The following PPP1R12B variants were observed in gnomAD, a reference collection of about 807,000 sequenced individuals.
PPP1R12B encodes the protein protein phosphatase 1 regulatory subunit 12B, also known as myosin phosphatase target subunit 2.
Under a neutral mutation model 126.1 loss-of-function variants are expected in PPP1R12B, and 76 were observed. The ratio of observed to expected loss-of-function variants is 0.60; its 90% CI spans 0.50 to 0.73. The LOEUF is 0.73. Among genes scored for constraint, PPP1R12B ranks in the 30% least tolerant of loss-of-function variants. PPP1R12B has a pLI of 0.00. For synonymous variants in PPP1R12B, 356 were observed against 434.7 expected, an observed-to-expected ratio of 0.82 and a Z score of 2.25; for missense variants, 1,052 against 1,205.1, an observed-to-expected ratio of 0.87 and a Z score of 1.88.
At position 202,591,001 on chromosome 1, in the gene PPP1R12B, TCACCAGA is replaced by T. The variant is rs549397908; in HGVS notation, c.*10444_*10450del. ...CCCCATGCACACTGCTCCCATCACC[TCACCAGA>T]CAGATGCTCTCTCAACTCTTGCCTC... On this transcript the variant is annotated 3_prime_UTR_variant, in exon 24 of 24. Transcript: ENST00000608999. 2 of 152,354 alleles carry T rather than the reference TCACCAGA, an allele frequency of 1.3e-5. No homozygotes were observed. Among genetic ancestry groups the T allele is most frequent in the South Asian group, 4.1e-4 (2 of 4,824 alleles). The allele number at this position is 152,354 out of a possible 1,614,324, so 9.4% of individuals were successfully genotyped here. A position where few individuals can be genotyped will look rare whatever the true frequency, so the allele number is the denominator to read the frequency against.
chr1:202,350,430 T>C (rs915270154), intron 1 of PPP1R12B, among the ~76,000 whole-genome samples: 1 of 152,194 alleles, frequency 6.6e-6, no homozygotes, highest in Admixed American at 6.5e-5. Flanking sequence ...AGGAAAATTA[T>C]TTGTGCAAAG....
chr1:202,542,731 AC>A (rs1240683391), intron 18 of PPP1R12B, among the ~76,000 whole-genome samples: 2 of 152,106 alleles, frequency 1.3e-5, no homozygotes, highest in Non-Finnish European at 2.9e-5. Context: ...AGAACCTGAG[AC>A]CTTATGGGCT....
chr1:202,512,186 T>C (rs185495090), intron 18 of PPP1R12B, among the ~76,000 whole-genome samples: 8 of 152,318 alleles, frequency 5.3e-5, no homozygotes, highest in Non-Finnish European at 1.2e-4. Flanking sequence ...CCATGATACA[T>C]ATACAGACAG....
intron 23 of PPP1R12B, among the ~76,000 whole-genome samples, chr1:202,571,694 G>A (rs1688625039): frequency 6.6e-6 from 1 of 152,186 alleles, no homozygotes; most frequent in Non-Finnish European, 1.5e-5. Context: ...GAGCTCAGGG[G>A]ATCCACCCAC....
chr1:202,522,220 C>T (rs948819145), intron 18 of PPP1R12B, among the ~76,000 whole-genome samples: 1 of 151,930 alleles, frequency 6.6e-6, no homozygotes, highest in Non-Finnish European at 1.5e-5. Flanking sequence ...AAAATAAATG[C>T]AGAAAGAAGT....
chr1:202,575,212 A>G, intron 23 of PPP1R12B: 1 of 1,514,754 alleles, frequency 6.6e-7, no homozygotes, highest in Non-Finnish European at 8.9e-7. Flanking sequence ...TAGTCCCAGA[A>G]GCTCTGTGCT....
At position 202,485,809 on chromosome 1, in the gene PPP1R12B, G is replaced by A. The variant is rs1453366623; in HGVS notation, c.1851-2724G>A. Reference sequence around the variant, plus strand: ...TTGGTCCCTTTTTGTGGAGAGGATGGGCTTTAGGTAACTCAATTTGGCCAT... The same window carrying A: ...TTGGTCCCTTTTTGTGGAGAGGATGAGCTTTAGGTAACTCAATTTGGCCAT... On this transcript the variant is annotated intron_variant, in intron 13 of 23. Coordinates refer to ENST00000608999, the MANE Select transcript of PPP1R12B (RefSeq NM_002481.4). Among the ~76,000 whole-genome samples the A allele has an allele frequency of 3.3e-5, 5 of 152,024 alleles. 1 individual carries two copies. Among genetic ancestry groups the A allele is most frequent in the African/African-American group, 7.2e-5 (3 of 41,388 alleles).
intron 18 of PPP1R12B, among the ~76,000 whole-genome samples, chr1:202,556,237 A>G (rs1686923087): frequency 6.6e-6 from 1 of 152,184 alleles, no homozygotes; most frequent in Non-Finnish European, 1.5e-5. Context: ...GGAAGCTGAC[A>G]TTTTAAGAGT....
At chr1:202,354,736 G>A (rs1255417077) in intron 1 of PPP1R12B, among the ~76,000 whole-genome samples, 5 of 150,900 alleles carry the variant, frequency 3.3e-5, no homozygotes, top group East Asian at 3.9e-4. Context: ...CAACCTCTGC[G>A]TCCCGGGCTC....
intron 1 of PPP1R12B, among the ~76,000 whole-genome samples, chr1:202,372,631 G>T (rs1660487051): frequency 6.6e-6 from 1 of 152,046 alleles, no homozygotes; most frequent in South Asian, 2.1e-4. Context: ...AAAATAGCTG[G>T]GCATGGTGGC....
At chr1:202,535,680 A>G (rs190530365) in intron 18 of PPP1R12B, among the ~76,000 whole-genome samples, 1 of 152,334 alleles carries the variant, frequency 6.6e-6, no homozygotes, top group Non-Finnish European at 1.5e-5. Flanking sequence ...AGATGAACTC[A>G]ACATCCTATC....
intron 1 of PPP1R12B, among the ~76,000 whole-genome samples, chr1:202,404,937 A>C (rs1442573316): frequency 1.3e-5 from 2 of 152,200 alleles, no homozygotes; most frequent in Non-Finnish European, 2.9e-5. Context: ...TATCATTTAC[A>C]TGTCTCTTTC....
intron 13 of PPP1R12B, chr1:202,463,125 A>G (rs1285063390): frequency 2.2e-6 from 2 of 919,152 alleles, no homozygotes; most frequent in Non-Finnish European, 2.6e-6. Context: ...GATAGCTTTA[A>G]TGTCCTAGAT....
chr1:202,401,228 C>T (rs926248784), intron 1 of PPP1R12B, among the ~76,000 whole-genome samples: 5 of 151,854 alleles, frequency 3.3e-5, no homozygotes, highest in African/African-American at 1.2e-4. Flanking sequence ...CAGGCTCTGG[C>T]ACCTACGCTG....
chr1:202,556,089 T>C (rs1686901700), intron 18 of PPP1R12B, among the ~76,000 whole-genome samples: 1 of 152,142 alleles, frequency 6.6e-6, no homozygotes, highest in African/African-American at 2.4e-5. Flanking sequence ...TTGGCCAGGT[T>C]GGTCTCGAAC....
chr1:202,410,407 G>A (rs1420517232), intron 1 of PPP1R12B, among the ~76,000 whole-genome samples: 3 of 152,246 alleles, frequency 2.0e-5, no homozygotes, highest in African/African-American at 7.2e-5. Context: ...CTGGAGCTGG[G>A]TTTTATGGGG....
chr1:202,486,981 A>G (rs566933880), intron 13 of PPP1R12B, among the ~76,000 whole-genome samples: 6 of 152,348 alleles, frequency 3.9e-5, no homozygotes, highest in African/African-American at 1.4e-4. Context: ...TGACCAGCAT[A>G]TTACAAGAAG....
chr1:202,402,264 C>A (rs914941109), intron 1 of PPP1R12B, among the ~76,000 whole-genome samples: 1 of 152,154 alleles, frequency 6.6e-6, no homozygotes, highest in African/African-American at 2.4e-5. Flanking sequence ...CTTCTCTTAC[C>A]AACAAATCAC....
chr1:202,424,286 A>C (rs1479273854), intron 3 of PPP1R12B, among the ~76,000 whole-genome samples: 1 of 151,576 alleles, frequency 6.6e-6, no homozygotes, highest in Admixed American at 6.6e-5. Flanking sequence ...CCATCTCCCA[A>C]AATCACACAG....
Sources: allele counts gnomAD v4.1 joint callset (sites outside exome capture counted in the v4.1 genomes callset), GRCh38; gene constraint gnomAD v4.1.1; transcripts MANE v1.5; gene names NCBI Gene and HGNC (gene_info 2026-07-23, HGNC 2026-07-21).